The following OR7E24 variants were observed in gnomAD, a reference collection of about 807,000 sequenced individuals.
The protein encoded by OR7E24 is olfactory receptor family 7 subfamily E member 24, also known as olfactory receptor 7E24.
For missense variants in OR7E24, 385 were observed against 410.3 expected, an observed-to-expected ratio of 0.94 and a Z score of 0.53; for synonymous variants, 130 against 157.5, an observed-to-expected ratio of 0.83 and a Z score of 1.31.
At chr19:9,223,012 T>A in the OR7E24 span, among the ~76,000 whole-genome samples, 15 of 152,324 alleles carry the variant, frequency 9.8e-5, 1 homozygote, top group South Asian at 2.3e-3. Context: ...CATTAAAGGA[T>A]GTTAATTTTT....
At chr19:9,219,620 A>G in the OR7E24 span, 2 of 152,324 alleles carry the variant, frequency 1.3e-5, no homozygotes, top group South Asian at 4.1e-4. Flanking sequence ...GGCTGGGAGC[A>G]GAGAATTACA....
the OR7E24 span, among the ~76,000 whole-genome samples, chr19:9,234,460 AAAAT>A: frequency 1.6e-4 from 24 of 152,344 alleles, no homozygotes; most frequent in African/African-American, 4.8e-4. Context: ...TAGAAAGAAA[AAAAT>A]AAACGTACAC....
the OR7E24 span, among the ~76,000 whole-genome samples, chr19:9,232,444 A>G: frequency 1.3e-5 from 2 of 148,604 alleles, no homozygotes; most frequent in Non-Finnish European, 3.0e-5. Context: ...AGGCTGAGGC[A>G]GGAGAATCAC....
At chr19:9,238,562 GT>G in the OR7E24 span, among the ~76,000 whole-genome samples, 1 of 152,124 alleles carries the variant, frequency 6.6e-6, no homozygotes, top group East Asian at 1.9e-4. Flanking sequence ...TTATCTTTCC[GT>G]TTTTTGAAGT....
At chr19:9,244,042 T>C (rs1303715545), upstream of OR7E24, among the ~76,000 whole-genome samples, 2 of 152,190 alleles carry the variant, frequency 1.3e-5, no homozygotes, top group African/African-American at 4.8e-5. Context: ...GACCACTGTG[T>C]TGGGATTCAA....
At chr19:9,217,894 A>G in the OR7E24 span, among the ~76,000 whole-genome samples, 1 of 152,150 alleles carries the variant, frequency 6.6e-6, no homozygotes, top group Non-Finnish European at 1.5e-5. Flanking sequence ...TTCTAGGCTG[A>G]CAGAAGAGAA....
At chr19:9,232,345 C>T in the OR7E24 span, among the ~76,000 whole-genome samples, 1 of 151,996 alleles carries the variant, frequency 6.6e-6, no homozygotes, top group Admixed American at 6.6e-5. Flanking sequence ...AGAGACCATC[C>T]TGGCCAACAT....
upstream of OR7E24, among the ~76,000 whole-genome samples, chr19:9,242,388 A>G (rs1228659352): frequency 6.6e-6 from 1 of 152,120 alleles, no homozygotes; most frequent in South Asian, 2.1e-4. Context: ...CTGGAATTAT[A>G]AGTGTGCACC....
At chr19:9,211,680 T>A in the OR7E24 span, 2 of 136,724 alleles carry the variant, frequency 1.5e-5, no homozygotes, top group Admixed American at 8.8e-5. Flanking sequence ...CCATCTCTAC[T>A]AAAAATACAA....
At chr19:9,242,864 C>T (rs1402805842), upstream of OR7E24, among the ~76,000 whole-genome samples, 6 of 149,078 alleles carry the variant, frequency 4.0e-5, no homozygotes, top group Non-Finnish European at 8.8e-5. Flanking sequence ...TCTTTCTTCC[C>T]TCATTCCCTC....
chr19:9,220,119 A>G, the OR7E24 span, among the ~76,000 whole-genome samples: 1 of 152,190 alleles, frequency 6.6e-6, no homozygotes, highest in Admixed American at 6.5e-5. Flanking sequence ...TTGGAAATAT[A>G]TATACATTGT....
chr19:9,218,142 T>G, the OR7E24 span, among the ~76,000 whole-genome samples: 6 of 152,350 alleles, frequency 3.9e-5, no homozygotes, highest in African/African-American at 1.4e-4. Flanking sequence ...ACATTACTGA[T>G]TCTGAGCAAG....
the OR7E24 span, chr19:9,214,472 C>A: frequency 6.2e-7 from 1 of 1,614,124 alleles, no homozygotes; most frequent in Non-Finnish European, 8.5e-7. Flanking sequence ...TGGCCACAAA[C>A]CGGTCATAGG....
the OR7E24 span, chr19:9,214,259 G>A: frequency 6.2e-7 from 1 of 1,614,052 alleles, no homozygotes; most frequent in Non-Finnish European, 8.5e-7. Flanking sequence ...TGTTATTGAG[G>A]AGGGTGTTAG....
chr19:9,213,092 T>C, the OR7E24 span: 7 of 152,326 alleles, frequency 4.6e-5, 1 homozygote, highest in Middle Eastern at 0.024. Context: ...ATCAGACATG[T>C]AAAGCAACAA....
chr19:9,237,617 G>C, the OR7E24 span, among the ~76,000 whole-genome samples: 1 of 151,992 alleles, frequency 6.6e-6, no homozygotes, highest in Admixed American at 6.6e-5. Flanking sequence ...GCCCGGCCTA[G>C]ATTGTTTTAT....
At chr19:9,208,297 A>G in the OR7E24 span, 8 of 152,274 alleles carry the variant, frequency 5.3e-5, no homozygotes, top group African/African-American at 1.4e-4. Flanking sequence ...TCGGCCTCCC[A>G]AAGTGCTGGG....
At chr19:9,214,503 G>A in the OR7E24 span, 1 of 1,614,144 alleles carries the variant, frequency 6.2e-7, no homozygotes, top group Non-Finnish European at 8.5e-7. Context: ...CAGTAGGAAA[G>A]TATCCATTCC....
the OR7E24 span, among the ~76,000 whole-genome samples, chr19:9,228,099 C>T: frequency 1.3e-5 from 2 of 152,172 alleles, no homozygotes; most frequent in East Asian, 3.9e-4. Context: ...ATCACACTGT[C>T]TTCCATAACG....
Sources: gnomAD v4.1 joint callset for allele counts (sites outside exome capture counted in the v4.1 genomes callset) on GRCh38, gnomAD v4.1.1 for gene constraint, MANE v1.5 for transcripts, NCBI Gene and HGNC (gene_info 2026-07-23, HGNC 2026-07-21) for gene names.